GALNT1: variants seen among roughly 807,000 people sequenced by gnomAD.
GALNT1 encodes the protein polypeptide N-acetylgalactosaminyltransferase 1, also known as GalNAc transferase 1.
Under a neutral mutation model 65.7 loss-of-function variants are expected in GALNT1, and 17 were observed. The ratio of observed to expected loss-of-function variants is 0.26; its 90% CI spans 0.18 to 0.39. The LOEUF is 0.39. Ranked by LOEUF, GALNT1 falls within the 10% of genes least tolerant of loss-of-function variation. The pLI is 1.00. For synonymous variants in GALNT1, 210 were observed against 219.7 expected (o/e 0.96, Z 0.39); for missense variants, 460 against 672.8 (o/e 0.68, Z 3.50).
At chr18:35,588,996 A>T (rs1488630365) in intron 1 of GALNT1, among the ~76,000 whole-genome samples, 1 of 152,156 alleles carries the variant, frequency 6.6e-6, no homozygotes, top group Admixed American at 6.5e-5. Context: ...TTTTTATATT[A>T]TACTATGAGA....
chr18:35,672,916 G>A (rs1437906294), intron 3 of GALNT1, among the ~76,000 whole-genome samples: 1 of 152,036 alleles, frequency 6.6e-6, no homozygotes, highest in Non-Finnish European at 1.5e-5. Flanking sequence ...TTACAAATGG[G>A]GAAACTTGGA....
At chr18:35,641,292 C>A (rs1012852608) in intron 1 of GALNT1, among the ~76,000 whole-genome samples, 1 of 151,960 alleles carries the variant, frequency 6.6e-6, no homozygotes, top group African/African-American at 2.4e-5. Flanking sequence ...AAAAAAAATA[C>A]AAAAATTAGG....
At chr18:35,601,932 G>C (rs887084149) in intron 1 of GALNT1, among the ~76,000 whole-genome samples, 9 of 152,142 alleles carry the variant, frequency 5.9e-5, no homozygotes, top group Non-Finnish European at 1.2e-4. Flanking sequence ...ACAGTATTGA[G>C]TATTCTGAAT....
At chr18:35,665,812 T>C (rs187731700) in intron 3 of GALNT1, among the ~76,000 whole-genome samples, 39 of 152,144 alleles carry the variant, frequency 2.6e-4, no homozygotes, top group Non-Finnish European at 5.6e-4. Context: ...TCTCAAAACA[T>C]TGAACTCCCA....
chr18:35,642,827 T>C (rs1211219281), intron 1 of GALNT1, among the ~76,000 whole-genome samples: 1 of 152,164 alleles, frequency 6.6e-6, no homozygotes, highest in Non-Finnish European at 1.5e-5. Context: ...AGGGGACTAA[T>C]AGGATTCCTC....
At chr18:35,590,570 A>G (rs1261539860) in intron 1 of GALNT1, among the ~76,000 whole-genome samples, 4 of 152,244 alleles carry the variant, frequency 2.6e-5, no homozygotes, top group Non-Finnish European at 5.9e-5. Flanking sequence ...AGAAAGGAGT[A>G]GAATTTGCAT....
intron 1 of GALNT1, among the ~76,000 whole-genome samples, chr18:35,593,474 G>A (rs2046469064): frequency 6.6e-6 from 1 of 152,122 alleles, no homozygotes; most frequent in South Asian, 2.1e-4. Context: ...TTTTAGGATA[G>A]GAAGGAGCAG....
At chr18:35,584,742 G>C (rs1254650375) in intron 1 of GALNT1, among the ~76,000 whole-genome samples, 1 of 152,146 alleles carries the variant, frequency 6.6e-6, no homozygotes, top group Admixed American at 6.5e-5. Context: ...GTGCAACCTA[G>C]ATCCCTCATA....
At chr18:35,668,382 A>G (rs2047579023) in intron 3 of GALNT1, among the ~76,000 whole-genome samples, 10 of 152,246 alleles carry the variant, frequency 6.6e-5, no homozygotes, top group Admixed American at 6.5e-4. Flanking sequence ...ATGAGAAATT[A>G]TAAAGTAGAA....
At chr18:35,675,253 G>A (rs2047694268) in intron 3 of GALNT1, among the ~76,000 whole-genome samples, 1 of 152,066 alleles carries the variant, frequency 6.6e-6, no homozygotes, top group African/African-American at 2.4e-5. Context: ...TCCAGGTTAG[G>A]GGTGTGTGTT....
chr18:35,601,706 C>T (rs2046584899), intron 1 of GALNT1, among the ~76,000 whole-genome samples: 1 of 152,130 alleles, frequency 6.6e-6, no homozygotes, highest in Non-Finnish European at 1.5e-5. Context: ...GTTTTGTGGC[C>T]TGCCAGATGG....
At chr18:35,603,114 C>T (rs1028967023) in intron 1 of GALNT1, among the ~76,000 whole-genome samples, 2 of 152,186 alleles carry the variant, frequency 1.3e-5, no homozygotes, top group South Asian at 2.1e-4. Flanking sequence ...ATACTCAGAG[C>T]ACTGCCTGTC....
At position 35,710,619 on chromosome 18, in the gene GALNT1, G is replaced by T. The variant is rs905963462; in HGVS notation, c.*849G>T. Reference sequence around the variant, plus strand: ...CTGATCTCAGCTGAACAAATTAGATGTTTCAGTTGCTCTTGGGTCAACTGG... The same window carrying T: ...CTGATCTCAGCTGAACAAATTAGATTTTTCAGTTGCTCTTGGGTCAACTGG... On this transcript the variant is annotated 3_prime_UTR_variant, in exon 12 of 12. Transcript: ENST00000269195. 3 of 152,490 alleles carry T rather than the reference G, an allele frequency of 2.0e-5. No individual in the cohort carries two copies. The highest frequency in any genetic ancestry group is 7.2e-5 in the African/African-American group (3 of 41,432). The allele number at this position is 152,490 out of a possible 1,614,324, so 9.4% of individuals were successfully genotyped here. A position where few individuals can be genotyped will look rare whatever the true frequency, so the allele number is the denominator to read the frequency against.
At chr18:35,689,035 G>C in intron 6 of GALNT1, 138 bp from the exon 7 acceptor site, 1 of 662,166 alleles carries the variant, frequency 1.5e-6, no homozygotes, top group South Asian at 1.8e-5. Flanking sequence ...AGCCCCTGGG[G>C]CGTATGAAAG....
intron 9 of GALNT1, among the ~76,000 whole-genome samples, chr18:35,696,103 G>A (rs960135583): frequency 4.6e-5 from 7 of 152,236 alleles, no homozygotes; most frequent in African/African-American, 1.2e-4. Flanking sequence ...GCTTGTTATC[G>A]CCTTATTAAC....
intron 1 of GALNT1, among the ~76,000 whole-genome samples, chr18:35,643,595 C>A (rs572951009): frequency 1.4e-4 from 21 of 152,142 alleles, no homozygotes; most frequent in African/African-American, 5.1e-4. Flanking sequence ...AACCCCATCT[C>A]TACAAATTCA....
chr18:35,708,103 A>G (rs943376108), intron 11 of GALNT1, among the ~76,000 whole-genome samples: 4 of 152,158 alleles, frequency 2.6e-5, no homozygotes, highest in Admixed American at 2.6e-4. Flanking sequence ...CCCATTTTAT[A>G]GATGAGGAAA....
chr18:35,636,489 A>G (rs188740779), intron 1 of GALNT1, among the ~76,000 whole-genome samples: 1 of 152,372 alleles, frequency 6.6e-6, no homozygotes, highest in East Asian at 1.9e-4. Context: ...CTGCTTTCTC[A>G]TAAAACCTGT....
At chr18:35,698,607 G>A (rs1231291885) in intron 9 of GALNT1, among the ~76,000 whole-genome samples, 1 of 152,164 alleles carries the variant, frequency 6.6e-6, no homozygotes, top group East Asian at 1.9e-4. Flanking sequence ...TACCATATTA[G>A]CACAAATATA....
Sources: allele counts gnomAD v4.1 joint callset (sites outside exome capture counted in the v4.1 genomes callset), GRCh38; gene constraint gnomAD v4.1.1; transcripts MANE v1.5; gene names NCBI Gene and HGNC (gene_info 2026-07-23, HGNC 2026-07-21).